Variants in UGT1A6 observed in about 807,000 individuals in gnomAD.
The protein encoded by UGT1A6 is UDP-glucuronosyltransferase 1A6.
In UGT1A6, 32 loss-of-function variants were observed where a neutral mutation model predicts 44.4. The observed-to-expected ratio is 0.72, with a 90% CI of 0.54 to 0.97. The LOEUF is 0.97. UGT1A6 is among the 50% of genes least tolerant of loss of function. The pLI, the probability that UGT1A6 is intolerant of heterozygous loss-of-function variation, is 0.00. For missense variants in UGT1A6, 685 were observed against 661.9 expected (o/e 1.03, Z -0.38); for synonymous variants, 238 against 248.5 (o/e 0.96, Z 0.40).
chr2:233,709,130 G>A (rs569076662), intron 1 of UGT1A6, among the ~76,000 whole-genome samples: 60 of 152,068 alleles, frequency 3.9e-4, no homozygotes, highest in Non-Finnish European at 7.9e-4. Flanking sequence ...TGGTGGCCAA[G>A]GGGATGAGAC....
intron 1 of UGT1A6, among the ~76,000 whole-genome samples, chr2:233,718,467 C>A (rs918689439): frequency 1.3e-5 from 2 of 152,224 alleles, no homozygotes; most frequent in African/African-American, 4.8e-5. Flanking sequence ...ACCTCAGCTG[C>A]AGCCTGATAA....
intron 1 of UGT1A6, chr2:233,747,259 G>C (rs1240117777): frequency 7.1e-5 from 114 of 1,600,384 alleles, no homozygotes; most frequent in Non-Finnish European, 9.2e-5. Flanking sequence ...GGCCACAGGA[G>C]TGCTACTCCT....
At chr2:233,754,933 C>CAAAGG (rs1267849400) in intron 1 of UGT1A6, 2 of 1,344,048 alleles carry the variant, frequency 1.5e-6, no homozygotes, top group African/African-American at 3.0e-5. Flanking sequence ...CCCAAGAGGT[C>CAAAGG]AAAGGAGAAT....
chr2:233,692,675 G>C (rs932907325), upstream of UGT1A6, among the ~76,000 whole-genome samples: 1 of 152,174 alleles, frequency 6.6e-6, no homozygotes, highest in African/African-American at 2.4e-5. Context: ...TAGAGAATTG[G>C]CAGGGGGTCC....
chr2:233,693,878 A>C lies in UGT1A6; in HGVS notation c.861+13A>C, dbSNP rs1489546628. On this transcript the variant is annotated intron_variant, in intron 1 of 4. Coordinates refer to ENST00000305139, the MANE Select transcript of UGT1A6 (RefSeq NM_001072.4). ...AGACTTGTCTCAGGTTGGTGGGTTT[A>C]TTTCTTTTGGACTGCCTTGTTTCTT... 1 of 1,613,932 alleles carries C rather than the reference A, an allele frequency of 6.2e-7. No homozygotes were observed.
intron 1 of UGT1A6, among the ~76,000 whole-genome samples, 183 bp downstream of exon 1, chr2:233,694,048 C>A (rs1474075608): frequency 6.6e-6 from 1 of 152,122 alleles, no homozygotes; most frequent in Admixed American, 6.5e-5. Flanking sequence ...GATACAGAGG[C>A]ATTCGGATGA....
intron 1 of UGT1A6, chr2:233,754,408 C>A (rs1318751129): frequency 2.9e-6 from 1 of 340,794 alleles, no homozygotes; most frequent in South Asian, 2.4e-5. Flanking sequence ...GCAGTCCCAA[C>A]AATAAAGACA....
chr2:233,758,423 G>T (rs1305067521), intron 1 of UGT1A6, among the ~76,000 whole-genome samples: 3 of 152,182 alleles, frequency 2.0e-5, no homozygotes, highest in Non-Finnish European at 1.5e-5. Flanking sequence ...ATCTGCAAAT[G>T]AACTCACACA....
chr2:233,752,963 T>C (rs372881238), intron 1 of UGT1A6, among the ~76,000 whole-genome samples: 4 of 152,322 alleles, frequency 2.6e-5, no homozygotes, highest in African/African-American at 4.8e-5. Context: ...GGGATTTATG[T>C]AACCAATTGT....
At chr2:233,743,379 G>A (rs553930129) in intron 1 of UGT1A6, 50 of 1,176,986 alleles carry the variant, frequency 4.2e-5, no homozygotes, top group South Asian at 3.5e-4. Flanking sequence ...CATCACTACC[G>A]TAGGACATGC....
intron 1 of UGT1A6, among the ~76,000 whole-genome samples, chr2:233,696,280 G>A (rs1402810129): frequency 1.3e-5 from 2 of 152,172 alleles, no homozygotes; most frequent in East Asian, 1.9e-4. Flanking sequence ...TAAAGAAAAC[G>A]TAGGACTGTA....
Position 233,725,264 on chromosome 2 carries a change from GGAGGCAGAGGCA to G in UGT1A6, c.861+31441_861+31452del, listed in dbSNP as rs551912265. Among the ~76,000 whole-genome samples, 306 of 58,542 alleles carry G rather than the reference GGAGGCAGAGGCA, an allele frequency of 5.2e-3. 76 individuals are homozygous for G. The highest frequency in any genetic ancestry group is 9.6e-3 in the African/African-American group (73 of 7,632). 38.4% of individuals were successfully genotyped at this position (58,542 alleles called of 152,430 possible). ...CAGAGGCAGAGGAGGCAGAGGCAGA[GGAGGCAGAGGCA>G]GAGGCAGAGGCAGAGGCAGAGGCAG... On this transcript the variant is annotated intron_variant, in intron 1 of 4. Coordinates refer to ENST00000305139, the MANE Select transcript of UGT1A6 (RefSeq NM_001072.4).
At chr2:233,766,319 A>G (rs1575819132) in intron 1 of UGT1A6, among the ~76,000 whole-genome samples, 1 of 151,982 alleles carries the variant, frequency 6.6e-6, no homozygotes, top group African/African-American at 2.4e-5. Flanking sequence ...GCCTCAGCCA[A>G]ACTCCGCGTT....
At chr2:233,727,543 C>G (rs1033335466) in intron 1 of UGT1A6, among the ~76,000 whole-genome samples, 5 of 152,154 alleles carry the variant, frequency 3.3e-5, no homozygotes, top group Non-Finnish European at 7.3e-5. Flanking sequence ...GTGTTCCACC[C>G]GTCACCTGGG....
intron 1 of UGT1A6, among the ~76,000 whole-genome samples, chr2:233,732,885 A>G (rs1356305155): frequency 6.6e-6 from 1 of 150,402 alleles, no homozygotes; most frequent in Non-Finnish European, 1.5e-5. Flanking sequence ...CATTGAATCT[A>G]TAAATTACCT....
chr2:233,696,492 G>A (rs181370414), intron 1 of UGT1A6, among the ~76,000 whole-genome samples: 10 of 152,182 alleles, frequency 6.6e-5, no homozygotes, highest in Admixed American at 1.3e-4. Context: ...CAACTTTACC[G>A]AATTTGCTTG....
intron 1 of UGT1A6, among the ~76,000 whole-genome samples, chr2:233,730,263 G>C (rs45449797): frequency 1.3e-5 from 2 of 152,070 alleles, no homozygotes; most frequent in South Asian, 2.1e-4. Context: ...AGAGACTGTT[G>C]GTTTGTAAAG....
At chr2:233,743,218 T>C in intron 1 of UGT1A6, 1 of 410,544 alleles carries the variant, frequency 2.4e-6, no homozygotes. Flanking sequence ...GTAACTGCTC[T>C]TTGCTATTTA....
At chr2:233,700,272 A>T (rs1488856849) in intron 1 of UGT1A6, among the ~76,000 whole-genome samples, 1 of 152,218 alleles carries the variant, frequency 6.6e-6, no homozygotes, top group East Asian at 1.9e-4. Context: ...CTTAATAGGC[A>T]CTTTTTAAAA....
Sources: gnomAD v4.1 joint callset for allele counts (sites outside exome capture counted in the v4.1 genomes callset) on GRCh38, gnomAD v4.1.1 for gene constraint, MANE v1.5 for transcripts, NCBI Gene and HGNC (gene_info 2026-07-23, HGNC 2026-07-21) for gene names.